Variants in BLTP1 observed in about 807,000 individuals in gnomAD.
The protein encoded by BLTP1 is bridge-like lipid transfer protein family member 1, also known as fragile site-associated protein.
At chr4:122,271,010 GT>G in the BLTP1 span, 1 of 1,555,016 alleles carries the variant, frequency 6.4e-7, no homozygotes. Context: ...TTTATTTCAC[GT>G]TTTTAGGCAA....
At chr4:122,166,008 T>C in the BLTP1 span, among the ~76,000 whole-genome samples, 1 of 152,098 alleles carries the variant, frequency 6.6e-6, no homozygotes, top group African/African-American at 2.4e-5. Flanking sequence ...AAAAATTTTC[T>C]CCCATTCTGT....
chr4:122,254,735 AG>A, the BLTP1 span: 1 of 1,401,174 alleles, frequency 7.1e-7, no homozygotes, highest in Non-Finnish European at 9.4e-7. Context: ...TAAGTACAGT[AG>A]GTATGGGAGA....
At chr4:122,251,086 T>A in the BLTP1 span, 1 of 985,222 alleles carries the variant, frequency 1.0e-6, no homozygotes, top group Non-Finnish European at 1.2e-6. Flanking sequence ...TATTCCAAAT[T>A]TTTGGTTGAA....
chr4:122,325,925 C>T, the BLTP1 span: 1 of 913,978 alleles, frequency 1.1e-6, no homozygotes, highest in Non-Finnish European at 1.5e-6. Context: ...CAGGTACTTA[C>T]TAAGAACAAT....
chr4:122,244,182 T>G, the BLTP1 span: 1 of 513,112 alleles, frequency 1.9e-6, no homozygotes, highest in South Asian at 8.5e-5. Flanking sequence ...GCTATTTTGA[T>G]TGAATAAAAA....
the BLTP1 span, among the ~76,000 whole-genome samples, chr4:122,217,183 G>T: frequency 6.6e-6 from 1 of 151,862 alleles, no homozygotes; most frequent in Non-Finnish European, 1.5e-5. Context: ...CTTTATTTTG[G>T]GTTCTCTATT....
At chr4:122,302,856 T>C in the BLTP1 span, among the ~76,000 whole-genome samples, 1 of 152,132 alleles carries the variant, frequency 6.6e-6, no homozygotes, top group Non-Finnish European at 1.5e-5. Flanking sequence ...ATGCCCTAAT[T>C]TTCTTCAATT....
the BLTP1 span, chr4:122,271,554 T>A: frequency 6.2e-7 from 1 of 1,613,518 alleles, no homozygotes. Flanking sequence ...AAAGATGTGG[T>A]GGATCACATG....
At chr4:122,235,531 C>T in the BLTP1 span, 17 of 963,792 alleles carry the variant, frequency 1.8e-5, no homozygotes, top group East Asian at 4.6e-4. Flanking sequence ...TCTGGCCGGG[C>T]GTGGTGGCTC....
the BLTP1 span, chr4:122,292,726 C>A: frequency 9.9e-6 from 4 of 405,694 alleles, no homozygotes; most frequent in Non-Finnish European, 1.0e-5. Context: ...ATGAGAATAA[C>A]TAGAGAAACA....
the BLTP1 span, chr4:122,203,774 ATTAG>A: frequency 2.1e-5 from 9 of 424,290 alleles, no homozygotes; most frequent in Admixed American, 6.4e-5. Context: ...GAAATTTTAA[ATTAG>A]TTATTAAAGA....
At chr4:122,242,473 G>C in the BLTP1 span, among the ~76,000 whole-genome samples, 2 of 151,974 alleles carry the variant, frequency 1.3e-5, no homozygotes, top group Non-Finnish European at 2.9e-5. Context: ...TGGGTAGTTG[G>C]GGGGAAAAAA....
At chr4:122,287,731 C>A in the BLTP1 span, 1 of 982,658 alleles carries the variant, frequency 1.0e-6, no homozygotes, top group Admixed American at 6.2e-5. Context: ...TCCTGCTTGC[C>A]CTGGAAGCTC....
the BLTP1 span, chr4:122,190,355 C>G: frequency 1.2e-6 from 1 of 854,224 alleles, no homozygotes; most frequent in Non-Finnish European, 1.4e-6. Flanking sequence ...CTCATTCTCC[C>G]AAAGTGCTGG....
the BLTP1 span, among the ~76,000 whole-genome samples, chr4:122,220,759 G>A: frequency 6.6e-6 from 1 of 151,908 alleles, no homozygotes; most frequent in African/African-American, 2.4e-5. Context: ...TTTATGGAAG[G>A]GAAAAATTAA....
the BLTP1 span, chr4:122,214,207 A>AT: frequency 1.0e-6 from 1 of 970,578 alleles, no homozygotes; most frequent in Non-Finnish European, 1.2e-6. Context: ...ATAAGTATAC[A>AT]TTTTTAGCTA....
At chr4:122,242,813 T>G in the BLTP1 span, 1 of 161,032 alleles carries the variant, frequency 6.2e-6, no homozygotes, top group African/African-American at 2.4e-5. Context: ...TTGCCATTTA[T>G]TTGAATCAAC....
At chr4:122,291,257 T>C in the BLTP1 span, among the ~76,000 whole-genome samples, 1 of 152,162 alleles carries the variant, frequency 6.6e-6, no homozygotes, top group Admixed American at 6.5e-5. Context: ...CTTGAGAAAA[T>C]AGCTAAAGTG....
chr4:122,263,949 G>A, the BLTP1 span: 1 of 279,316 alleles, frequency 3.6e-6, no homozygotes, highest in South Asian at 1.4e-4. Context: ...ATCCCTCTGA[G>A]ACCTAATAAC....
Sources: gnomAD v4.1 joint callset for allele counts (sites outside exome capture counted in the v4.1 genomes callset) on GRCh38, gnomAD v4.1.1 for gene constraint, MANE v1.5 for transcripts, NCBI Gene and HGNC (gene_info 2026-07-23, HGNC 2026-07-21) for gene names.